KCNQ2: variants seen among roughly 807,000 people sequenced by gnomAD.
KCNQ2 encodes the protein potassium voltage-gated channel subfamily Q member 2.
Under a neutral mutation model 84.8 loss-of-function variants are expected in KCNQ2, and 14 were observed. That is an observed-to-expected ratio of 0.17 (90% CI 0.11 to 0.26). The LOEUF (loss-of-function observed/expected upper bound fraction) is 0.26, where lower values mean the gene tolerates loss of function less well. Among genes scored for constraint, KCNQ2 ranks in the 10% least tolerant of loss-of-function variants. The probability of loss-of-function intolerance (pLI) is 1.00; values close to 1 mark genes in which losing one functional copy is unlikely to be tolerated. For synonymous variants in KCNQ2, 599 were observed against 554.1 expected (o/e 1.08, Z -1.14); for missense variants, 788 against 1,254.0 (o/e 0.63, Z 5.61).
chr20:63,446,986 C>G lies in KCNQ2; in HGVS notation c.297-149G>C. 3 of 728,514 alleles carry G rather than the reference C, an allele frequency of 4.1e-6. No individual in the cohort carries two copies. The Admixed American group carries it at 6.1e-5, about 15-fold the overall frequency. 45.1% of individuals were successfully genotyped at this position (728,514 alleles called of 1,614,324 possible). On this transcript the variant is annotated intron_variant, in intron 1 of 16. Transcript: ENST00000359125. This position sits in a 1 kb window ranked among gnomAD's most constrained non-coding sequence, Gnocchi z 5.5. ...CAGAACGCAGGACCCCACTCCCCAC[C>G]CACCCCACCAGAGCTCGCTCGGGCC...
At chr20:63,424,075 C>A (rs2080555497) in intron 11 of KCNQ2, 102 bp downstream of exon 11, 2 of 1,326,426 alleles carry the variant, frequency 1.5e-6, no homozygotes, top group Non-Finnish European at 2.1e-6. Flanking sequence ...GAAGCACACA[C>A]AAGGCCCTCA....
chr20:63,465,927 G>A (rs1339704071), intron 1 of KCNQ2, among the ~76,000 whole-genome samples: 1 of 152,186 alleles, frequency 6.6e-6, no homozygotes, highest in African/African-American at 2.4e-5. Context: ...GAGGCGTCCC[G>A]GCGGGTCCTC....
chr20:63,454,248 G>A (rs1246838030), intron 1 of KCNQ2, among the ~76,000 whole-genome samples: 4 of 152,210 alleles, frequency 2.6e-5, no homozygotes, highest in Non-Finnish European at 4.4e-5. Context: ...CGCAGACCCT[G>A]CATGAAGGAA....
At position 63,438,746 on chromosome 20, in the gene KCNQ2, AC is replaced by A; in HGVS notation, c.928-27del. ...CTGCAATTCATCAGGGTCAGGTCAC[AC>A]CCCAGGGACCCCCCACACCCCAATT... On this transcript the variant is annotated intron_variant, in intron 6 of 16. Coordinates refer to ENST00000359125, the MANE Select transcript of KCNQ2 (RefSeq NM_172107.4). The surrounding 1 kb of genome is among the most constrained non-coding windows in gnomAD (Gnocchi z 5.1). The A allele has an allele frequency of 1.3e-6, 2 of 1,597,942 alleles. No individual in the cohort carries two copies.
At chr20:63,434,104 C>T in intron 7 of KCNQ2, 1 of 568,412 alleles carries the variant, frequency 1.8e-6, no homozygotes, top group South Asian at 2.3e-5. Flanking sequence ...GACAGGCAAG[C>T]CCGCTTGTCA....
At chr20:63,467,252 G>T (rs1337817633) in intron 1 of KCNQ2, among the ~76,000 whole-genome samples, 1 of 152,206 alleles carries the variant, frequency 6.6e-6, no homozygotes, top group Non-Finnish European at 1.5e-5. Flanking sequence ...GCCCCCACAG[G>T]TCCCCCTTGG....
At chr20:63,418,384 G>T (rs1333678960) in intron 12 of KCNQ2, among the ~76,000 whole-genome samples, 1 of 152,218 alleles carries the variant, frequency 6.6e-6, no homozygotes, top group Non-Finnish European at 1.5e-5. Flanking sequence ...AAATTCAGAT[G>T]TGCGGTGCCC....
In KCNQ2 at chr20:63,425,029, G is replaced by A. The variant is rs184788068; in HGVS notation, c.1218-823C>T. ...TCCCTCATCACCTCCTGCAGCTCCCGGTGGCCCAGGTGTCCTTGGCTTGTG... is the reference window on the plus strand; with the variant it reads ...TCCCTCATCACCTCCTGCAGCTCCCAGTGGCCCAGGTGTCCTTGGCTTGTG... On this transcript the variant is annotated intron_variant, in intron 10 of 16. Coordinates refer to ENST00000359125, the MANE Select transcript of KCNQ2 (RefSeq NM_172107.4). This position sits in a 1 kb window ranked among gnomAD's most constrained non-coding sequence, Gnocchi z 5.5. Among the ~76,000 whole-genome samples, 16 of 152,214 alleles carry A rather than the reference G, an allele frequency of 1.1e-4. No individual in the cohort carries two copies. In the East Asian group the frequency reaches 1.5e-3, roughly 15 times the overall value.
chr20:63,430,681 T>G (rs915350830), intron 9 of KCNQ2, among the ~76,000 whole-genome samples: 26 of 152,322 alleles, frequency 1.7e-4, no homozygotes, highest in Admixed American at 7.2e-4. Flanking sequence ...CAAACAGCCT[T>G]GTTTCCTGCT....
intron 1 of KCNQ2, among the ~76,000 whole-genome samples, chr20:63,456,600 C>T (rs2081805101): frequency 6.6e-6 from 1 of 152,198 alleles, no homozygotes; most frequent in Non-Finnish European, 1.5e-5. Context: ...CATCAAGACC[C>T]CACTCCCACT....
At position 63,439,736 on chromosome 20, in the gene KCNQ2, G is replaced by A. The variant is rs750128932; in HGVS notation, c.817-28C>T. On this transcript the variant is annotated intron_variant, in intron 5 of 16. Transcript: ENST00000359125. Reference sequence around the variant, plus strand: ...GTGGGACCGCAGGCTCTAGTCACACGAAGGGCCTGCTCACACCCCTGAGGG... The same window carrying A: ...GTGGGACCGCAGGCTCTAGTCACACAAAGGGCCTGCTCACACCCCTGAGGG... 84 of 1,534,196 alleles carry A rather than the reference G, an allele frequency of 5.5e-5. No homozygotes were observed. The Middle Eastern group carries it at 4.9e-3, about 89-fold the overall frequency.
chr20:63,462,171 C>T (rs2081972784), intron 1 of KCNQ2, among the ~76,000 whole-genome samples: 1 of 135,758 alleles, frequency 7.4e-6, no homozygotes, highest in Admixed American at 7.5e-5. Context: ...GCACCTACCC[C>T]AGGGAGCAGG....
rs577705653 is a variant in KCNQ2, at chr20:63,472,505, C to A, written c.-42G>T. 5,177 of 1,389,756 alleles carry A rather than the reference C, an allele frequency of 3.7e-3. 20 individuals carry two copies. The highest frequency in any genetic ancestry group is 0.012 in the Middle Eastern group (45 of 3,910). 86.1% of individuals were successfully genotyped at this position (1,389,756 alleles called of 1,614,324 possible). The stretch of plus-strand genomic sequence containing the variant: ...CGCCCCGGGTCGGGCTCAGGCTCAG[C>A]GGGGGCGGAGCGCGGGGGGCGGCGC... On this transcript the variant is annotated 5_prime_UTR_variant, in exon 1 of 17. Transcript: ENST00000359125.
intron 7 of KCNQ2, among the ~76,000 whole-genome samples, chr20:63,437,957 A>G (rs545948104): frequency 6.6e-6 from 1 of 152,068 alleles, no homozygotes; most frequent in Non-Finnish European, 1.5e-5. Flanking sequence ...TTACAGACGC[A>G]CGCCACCACG....
chr20:63,443,004 C>G (rs1481968248), intron 4 of KCNQ2, among the ~76,000 whole-genome samples: 1 of 67,010 alleles, frequency 1.5e-5, no homozygotes, highest in Non-Finnish European at 3.0e-5. Flanking sequence ...ACCATCACCA[C>G]CATCACCATC....
chr20:63,439,800 G>T, intron 5 of KCNQ2, 92 bp from the exon 6 acceptor site: 2 of 931,256 alleles, frequency 2.1e-6, no homozygotes, highest in Non-Finnish European at 1.7e-6. Flanking sequence ...GCTTGGGATG[G>T]GACAGATGCG....
At chr20:63,413,742 T>A (rs2080198136) in intron 14 of KCNQ2, among the ~76,000 whole-genome samples, 161 bp from the exon 15 acceptor site, 1 of 146,928 alleles carries the variant, frequency 6.8e-6, no homozygotes, top group South Asian at 2.1e-4. Flanking sequence ...GGCCTTTATG[T>A]GGCCCTGCTC....
chr20:63,453,707 C>G (rs908744527), intron 1 of KCNQ2: 1 of 151,882 alleles, frequency 6.6e-6, no homozygotes, highest in Non-Finnish European at 1.5e-5. Context: ...CCGGAGGAGG[C>G]GTGTACAGGG....
chr20:63,443,039 C>CCATCA (rs1600773738), intron 4 of KCNQ2, among the ~76,000 whole-genome samples: 3 of 25,628 alleles, frequency 1.2e-4, no homozygotes, highest in East Asian at 2.7e-3. Context: ...ATCACCACCA[C>CCATCA]CATCACCATC....
Sources: gnomAD v4.1 joint callset for allele counts (sites outside exome capture counted in the v4.1 genomes callset) on GRCh38, gnomAD v4.1.1 for gene constraint, Gnocchi (gnomAD v3.1) non-coding constraint, MANE v1.5 for transcripts, NCBI Gene and HGNC (gene_info 2026-07-23, HGNC 2026-07-21) for gene names.